Variants in UPF3A observed in about 807,000 individuals in gnomAD.
The protein encoded by UPF3A is regulator of nonsense transcripts 3A.
UPF3A carries 42 observed loss-of-function variants against 53.5 expected under a neutral mutation model. The observed-to-expected ratio is 0.78, with a 90% CI of 0.61 to 1.01. The LOEUF (loss-of-function observed/expected upper bound fraction) is 1.01. Ranked by LOEUF, UPF3A falls within the 50% of genes least tolerant of loss-of-function variation. The pLI, the probability that UPF3A is intolerant of heterozygous loss-of-function variation, is 0.00. For missense variants in UPF3A, 575 were observed against 598.0 expected, an observed-to-expected ratio of 0.96 and a Z score of 0.40; for synonymous variants, 237 against 225.3, an observed-to-expected ratio of 1.05 and a Z score of -0.47.
intron 3 of UPF3A, 159 bp downstream of exon 3, chr13:114,283,102 C>T: frequency 1.8e-6 from 1 of 557,244 alleles, no homozygotes; most frequent in South Asian, 2.1e-5. Flanking sequence ...CGGCTCACTG[C>T]AGCCTCACAC....
At chr13:114,291,916 T>C (rs1050963078) in intron 7 of UPF3A, 124 bp downstream of exon 7, 1 of 1,263,512 alleles carries the variant, frequency 7.9e-7, no homozygotes. Flanking sequence ...TGTGTTGTTA[T>C]TTTTTTCCAT....
At chr13:114,298,483 T>C (rs541800213) in intron 7 of UPF3A, among the ~76,000 whole-genome samples, 1 of 152,088 alleles carries the variant, frequency 6.6e-6, no homozygotes, top group African/African-American at 2.4e-5. Flanking sequence ...GAGGCTGCAG[T>C]GAGCCGGGAG....
chr13:114,304,287 G>C (rs1409042616), intron 9 of UPF3A, among the ~76,000 whole-genome samples: 2 of 152,320 alleles, frequency 1.3e-5, no homozygotes, highest in South Asian at 2.1e-4. Context: ...CTCAACAGCT[G>C]CCCTTCATGG....
intron 5 of UPF3A, among the ~76,000 whole-genome samples, chr13:114,289,750 C>A (rs2085094960): frequency 6.6e-6 from 1 of 152,152 alleles, no homozygotes; most frequent in Admixed American, 6.5e-5. Context: ...AGCTCTGAGA[C>A]TTCTGTTTAC....
rs1449231193 is a variant in UPF3A, at chr13:114,291,812, T to C, written c.846+20T>C. ...ATTAAGGTAATTCTGAGGAAACATT[T>C]CCTTTTTCCAAAAATAGCTCTGCTA... is the stretch of plus-strand genomic sequence containing the variant. On this transcript the variant is annotated intron_variant, in intron 7 of 9. Coordinates refer to ENST00000375299, the MANE Select transcript of UPF3A (RefSeq NM_023011.4). The C allele has an allele frequency of 6.4e-7, 1 of 1,566,254 alleles. No homozygotes were observed. Among genetic ancestry groups the C allele is most frequent in the Non-Finnish European group, 8.6e-7 (1 of 1,160,648 alleles).
chr13:114,296,082 C>T (rs537549519), intron 7 of UPF3A, among the ~76,000 whole-genome samples: 4 of 152,268 alleles, frequency 2.6e-5, no homozygotes, highest in African/African-American at 9.6e-5. Context: ...CTTAATAATG[C>T]CTAAAGACAG....
At chr13:114,283,057 C>A in intron 3 of UPF3A, 114 bp downstream of exon 3, 1 of 840,934 alleles carries the variant, frequency 1.2e-6, no homozygotes, top group African/African-American at 1.7e-5. Context: ...GGGTCTTGCT[C>A]TGTTGCCCAG....
rs780737172 is a variant in UPF3A, at chr13:114,301,693, G to GT, written c.1008-35dup. 22 of 1,583,800 alleles carry GT rather than the reference G, an allele frequency of 1.4e-5. No individual in the cohort carries two copies. In the African/African-American group the frequency reaches 2.8e-4, roughly 20 times the overall value. Reference sequence around the variant, plus strand: ...AAGGAGGGTGGGCAGCCAACCGGCGGTTTACTGCAGTTGCTGATCATTTGT... The same window carrying GT: ...AAGGAGGGTGGGCAGCCAACCGGCGGTTTTACTGCAGTTGCTGATCATTTGT... On this transcript the variant is annotated intron_variant, in intron 8 of 9. Transcript: ENST00000375299.
intron 6 of UPF3A, 35 bp from the exon 7 acceptor site, chr13:114,291,599 A>G (rs760039847): frequency 2.5e-6 from 4 of 1,605,472 alleles, no homozygotes; most frequent in African/African-American, 1.3e-5. Context: ...ATTCTCATCC[A>G]GGCAGTTTAT....
At chr13:114,294,555 G>T (rs1009165301) in intron 7 of UPF3A, among the ~76,000 whole-genome samples, 3 of 152,224 alleles carry the variant, frequency 2.0e-5, no homozygotes, top group African/African-American at 7.2e-5. Context: ...AGCACTCATG[G>T]CTATTCTTAA....
chr13:114,292,125 T>C (rs1399407995), intron 7 of UPF3A, among the ~76,000 whole-genome samples: 1 of 151,872 alleles, frequency 6.6e-6, no homozygotes, highest in African/African-American at 2.4e-5. Context: ...TTTCCAACTT[T>C]CATTTTCGGC....
chr13:114,301,908 C>G lies in UPF3A; in HGVS notation c.1185C>G (p.Asp395Glu). ...GATGGGGGAAAGGACCTGGCCAAGA[C>G]AGAGGGAAGAAGGGGAGCCAGGACA... is the stretch of plus-strand genomic sequence containing the variant. ...EQRWGKGPGQ[D>E]RGKKGSQDSG... The change falls in exon 9 of 10, where the codon GAC becomes GAG. Residue 395 changes from aspartate to glutamate, a missense_variant. Asp to Glu is a conservative substitution (Grantham distance 45). This residue lies in a region of UPF3A where 323 missense variants were observed against 415.2 expected (regional missense o/e 0.78). Coordinates refer to ENST00000375299, the MANE Select transcript of UPF3A (RefSeq NM_023011.4). 1 of 1,609,866 alleles carries G rather than the reference C, an allele frequency of 6.2e-7. No homozygotes were observed. Among genetic ancestry groups the G allele is most frequent in the Non-Finnish European group, 8.5e-7 (1 of 1,178,252 alleles).
At position 114,291,616 on chromosome 13, in the gene UPF3A, G is replaced by A. The variant is rs765225558; in HGVS notation, c.688-18G>A. ...TCTCATCCAGGCAGTTTATACACAC[G>A]CTCTTCCATGTCTTTAGAGAATTCG... On this transcript the variant is annotated intron_variant, in intron 6 of 9. Coordinates refer to ENST00000375299, the MANE Select transcript of UPF3A (RefSeq NM_023011.4). 4.4e-6 allele frequency: 7 copies of A among 1,605,570 alleles called. No homozygotes were observed. Among genetic ancestry groups the A allele is most frequent in the East Asian group, 4.5e-5 (2 of 44,854 alleles).
rs771335344 is a variant in UPF3A, at chr13:114,282,044, G to A, written c.231G>A (p.Pro77=). ...LSKVVIRRLP[P]GLTKEQLEEQ... ...AGGTGGTCATCCGCCGCCTGCCTCC[G>A]GGCCTCACCAAGGAGCAGCTGGAGG... The change falls in exon 2 of 10, where the codon CCG becomes CCA. Residue 77 remains proline (P), a synonymous_variant. Transcript: ENST00000375299. The A allele has an allele frequency of 3.7e-5, 58 of 1,568,972 alleles. No individual in the cohort carries two copies. Among genetic ancestry groups the A allele is most frequent in the African/African-American group, 3.5e-4 (26 of 73,878 alleles).
chr13:114,287,932 G>C (rs2084889823), intron 5 of UPF3A, among the ~76,000 whole-genome samples: 1 of 152,056 alleles, frequency 6.6e-6, no homozygotes, highest in African/African-American at 2.4e-5. Context: ...TCAGCCTCCT[G>C]AGTAGCTGGG....
intron 3 of UPF3A, chr13:114,285,583 G>C (rs2084604204): frequency 6.6e-6 from 1 of 152,216 alleles, no homozygotes; most frequent in Non-Finnish European, 1.5e-5. Context: ...TTAGTACCAA[G>C]GTAGCAGTGT....
At chr13:114,294,750 G>C (rs1482580500) in intron 7 of UPF3A, among the ~76,000 whole-genome samples, 1 of 151,844 alleles carries the variant, frequency 6.6e-6, no homozygotes, top group Non-Finnish European at 1.5e-5. Flanking sequence ...GCTTGAACCT[G>C]GGAGGCAGAG....
In UPF3A at chr13:114,304,775, T is replaced by C. The variant is rs755528168; in HGVS notation, c.1303-14T>C. 1.2e-6 allele frequency: 2 copies of C among 1,613,128 alleles called. No individual in the cohort carries two copies. Among genetic ancestry groups the C allele is most frequent in the Non-Finnish European group, 1.7e-6 (2 of 1,179,420 alleles). ...TACCTCTTGGAAGAGTAACATGCCC[T>C]CTTATCCTGGCAGGACCGGCCAGCC... On this transcript the variant is annotated splice_polypyrimidine_tract_variant and intron_variant, in intron 9 of 9. Coordinates refer to ENST00000375299, the MANE Select transcript of UPF3A (RefSeq NM_023011.4).
At chr13:114,283,384 C>G (rs139778642) in intron 3 of UPF3A, 2 of 152,878 alleles carry the variant, frequency 1.3e-5, no homozygotes, top group Non-Finnish European at 2.9e-5. Flanking sequence ...GATTATGTTA[C>G]TGTAATTATG....
Sources: allele counts gnomAD v4.1 joint callset (sites outside exome capture counted in the v4.1 genomes callset), GRCh38; gene constraint gnomAD v4.1.1; regional missense constraint gnomAD v4.1.1; transcripts MANE v1.5; gene names NCBI Gene and HGNC (gene_info 2026-07-23, HGNC 2026-07-21).